The following BRD9 variants were observed in gnomAD, a reference collection of about 807,000 sequenced individuals.
BRD9 encodes bromodomain-containing protein 9.
In BRD9, 47 loss-of-function variants were observed where a neutral mutation model predicts 68.7. The ratio of observed to expected loss-of-function variants is 0.68; its 90% CI spans 0.54 to 0.87. BRD9 has a LOEUF of 0.87. Among genes scored for constraint, BRD9 ranks in the 40% least tolerant of loss-of-function variants. BRD9 has a pLI of 0.00. For missense variants in BRD9, 670 were observed against 748.4 expected (o/e 0.90, Z 1.22); for synonymous variants, 313 against 293.9 (o/e 1.06, Z -0.67).
chr5:873,934 C>T (rs758621781), intron 12 of BRD9, among the ~76,000 whole-genome samples: 9 of 152,202 alleles, frequency 5.9e-5, no homozygotes, highest in Non-Finnish European at 1.3e-4. Flanking sequence ...TAAGGCTACA[C>T]GAACCCTAGA....
intron 11 of BRD9, among the ~76,000 whole-genome samples, chr5:876,682 T>C (rs1374969916): frequency 1.3e-5 from 2 of 151,978 alleles, no homozygotes; most frequent in Non-Finnish European, 2.9e-5. Context: ...GCTTAAAAAA[T>C]AAAATATAAT....
At chr5:886,479 T>C (rs1271308603) in intron 7 of BRD9, 113 bp downstream of exon 7, 2 of 1,062,952 alleles carry the variant, frequency 1.9e-6, no homozygotes, top group East Asian at 4.8e-5. Context: ...CAAGAATGTC[T>C]ATGTGACATG....
chr5:886,318 G>A (rs1461843273), intron 7 of BRD9, among the ~76,000 whole-genome samples: 1 of 152,204 alleles, frequency 6.6e-6, no homozygotes, highest in Non-Finnish European at 1.5e-5. Context: ...TGATCTTAAC[G>A]GCGTGTAGAG....
intron 11 of BRD9, among the ~76,000 whole-genome samples, chr5:877,010 T>C (rs1042735678): frequency 1.3e-5 from 2 of 152,206 alleles, no homozygotes; most frequent in Admixed American, 1.3e-4. Flanking sequence ...CCCTAGGAGA[T>C]GTGCTTCTGA....
At chr5:874,114 T>A (rs1750555813) in intron 12 of BRD9, among the ~76,000 whole-genome samples, 1 of 152,196 alleles carries the variant, frequency 6.6e-6, no homozygotes, top group Non-Finnish European at 1.5e-5. Flanking sequence ...AATGTTTTTT[T>A]ATCTTTTTTT....
At position 887,462 on chromosome 5, in the gene BRD9, T is replaced by C. The variant is rs770557326; in HGVS notation, c.616A>G (p.Lys206Glu). 2 of 1,613,280 alleles carry C rather than the reference T, an allele frequency of 1.2e-6. No homozygotes were observed. The highest frequency in any genetic ancestry group is 8.5e-7 in the Non-Finnish European group (1 of 1,179,372). ...KSVTEFKADF[K>E]LMCDNAMTYN... ...GTCATTGCATTATCACACATCAGCTTGAAATCTGCCTGAAAAGAAAACAGG... is the reference window on the plus strand; with the variant it reads ...GTCATTGCATTATCACACATCAGCTCGAAATCTGCCTGAAAAGAAAACAGG... The change falls in exon 6 of 16, where the codon AAG becomes GAG. Residue 206 changes from lysine to glutamate, a missense_variant. This residue lies in a region of BRD9 where 94 missense variants were observed against 157.2 expected (regional missense o/e 0.60). Transcript: ENST00000467963.
At chr5:865,762 A>G in intron 14 of BRD9, 181 bp from the exon 15 acceptor site, 1 of 621,926 alleles carries the variant, frequency 1.6e-6, no homozygotes, top group Non-Finnish European at 2.7e-6. Context: ...CATTACCCTT[A>G]GCAGTGAGTG....
intron 4 of BRD9, 82 bp downstream of exon 4, chr5:889,505 G>C: frequency 6.8e-7 from 1 of 1,468,854 alleles, no homozygotes; most frequent in Non-Finnish European, 9.4e-7. Context: ...CAGCTGACGA[G>C]GCTGGCGTGG....
chr5:886,764 G>A (rs766378789), intron 6 of BRD9, 57 bp from the exon 7 acceptor site: 5 of 1,611,312 alleles, frequency 3.1e-6, no homozygotes, highest in Admixed American at 1.7e-5. Context: ...GCTAACAGCC[G>A]CTCCTAGAAT....
At chr5:883,834 A>G in intron 8 of BRD9, 104 bp downstream of exon 8, 1 of 1,490,754 alleles carries the variant, frequency 6.7e-7, no homozygotes, top group Admixed American at 2.0e-5. Flanking sequence ...TGACCTCTGG[A>G]TCCCGGTGGC....
chr5:885,164 CGG>C (rs981396286), intron 7 of BRD9, among the ~76,000 whole-genome samples: 1 of 152,236 alleles, frequency 6.6e-6, no homozygotes, highest in African/African-American at 2.4e-5. Flanking sequence ...ACACTCGAGT[CGG>C]GGGCTGAGGC....
intron 11 of BRD9, 102 bp from the exon 12 acceptor site, chr5:876,314 G>A (rs544399075): frequency 2.5e-5 from 20 of 809,652 alleles, no homozygotes; most frequent in Admixed American, 1.7e-4. Flanking sequence ...GCAGCTCCTC[G>A]GTCCCCGTGA....
At chr5:881,442 G>A (rs367915166) in intron 8 of BRD9, 32 of 549,840 alleles carry the variant, frequency 5.8e-5, no homozygotes, top group South Asian at 8.6e-5. Context: ...CTTCACCCAC[G>A]AGTAAACATT....
rs150279521 is a variant in BRD9, at chr5:870,507, G to A, written c.1491C>T (p.Asp497=). The part of the protein sequence containing the change: ...LEFMSMKSYP[D]VSVDISMLSS... ...TGAGCATGGAGATATCCACAGAAAC[G>A]TCGGGATAGGACTTCATCGACATGA... The change falls in exon 14 of 16, where the codon GAC becomes GAT. Residue 497 remains aspartate (D), a synonymous_variant. Coordinates refer to ENST00000467963, the MANE Select transcript of BRD9 (RefSeq NM_023924.5). 80 of 1,614,052 alleles carry A rather than the reference G, an allele frequency of 5.0e-5. No individual in the cohort carries two copies. Among genetic ancestry groups the A allele is most frequent in the Non-Finnish European group, 6.6e-5 (78 of 1,180,034 alleles).
At chr5:871,976 G>A (rs1304394033) in intron 12 of BRD9, among the ~76,000 whole-genome samples, 1 of 152,276 alleles carries the variant, frequency 6.6e-6, no homozygotes, top group Non-Finnish European at 1.5e-5. Context: ...ACCAGCTCGA[G>A]TCCTGCAGGG....
chr5:881,969 G>C (rs912059827), intron 8 of BRD9: 1 of 152,568 alleles, frequency 6.6e-6, no homozygotes, highest in African/African-American at 2.4e-5. Flanking sequence ...GAGGGAACTG[G>C]AAGTTTCCGT....
chr5:865,477 A>G lies in BRD9; in HGVS notation c.1630T>C (p.Ser544Pro). 1 of 1,599,770 alleles carries G rather than the reference A, an allele frequency of 6.3e-7. No individual in the cohort carries two copies. Among genetic ancestry groups the G allele is most frequent in the Non-Finnish European group, 8.5e-7 (1 of 1,171,794 alleles). Residue 544 changes from serine to proline, a missense_variant, in exon 15 of 16, where the codon TCT becomes CCT. Ser to Pro is a moderately conservative substitution (Grantham distance 74). Around this residue, in one of 5 missense-constraint regions of BRD9, gnomAD observed 280 missense variants for 281.5 expected, o/e 0.99. Coordinates refer to ENST00000467963, the MANE Select transcript of BRD9 (RefSeq NM_023924.5). ...GAGCTGAGGTTGGACGACGGCCGAG[A>G]GCCGCCGCGCTCCGCCTGTGCTTCG... ...LHEAQAERGG[S>P]RPSSNLSSLS...
chr5:865,586 G>A lies in BRD9; in HGVS notation c.1526-5C>T, dbSNP rs1749268681. The A allele has an allele frequency of 6.3e-7, 1 of 1,593,598 alleles. No homozygotes were observed. Among genetic ancestry groups the A allele is most frequent in the Non-Finnish European group, 8.5e-7 (1 of 1,173,288 alleles). ...CCAGCTCCTTCTTCACCTTCCCTGT[G>A]TAAACAGGACATGACCCCACGTCGG... On this transcript the variant is annotated splice_region_variant and splice_polypyrimidine_tract_variant and intron_variant, in intron 14 of 15. Transcript: ENST00000467963.
chr5:864,119 C>T lies in BRD9; in HGVS notation c.*349G>A, dbSNP rs1396174501. ...CTGGCCACACACCCTTCGCGTATGA[C>T]TCCACTCCTCAGGGTTCACGGGGCT... On this transcript the variant is annotated 3_prime_UTR_variant, in exon 16 of 16. Coordinates refer to ENST00000467963, the MANE Select transcript of BRD9 (RefSeq NM_023924.5). The T allele has an allele frequency of 5.7e-6, 1 of 175,638 alleles. No individual in the cohort carries two copies. Among genetic ancestry groups the T allele is most frequent in the South Asian group, 1.3e-4 (1 of 7,922 alleles). 10.9% of individuals were successfully genotyped at this position (175,638 alleles called of 1,614,324 possible).
Sources: gnomAD v4.1 joint callset for allele counts (sites outside exome capture counted in the v4.1 genomes callset) on GRCh38, gnomAD v4.1.1 for gene constraint, gnomAD v4.1.1 regional missense constraint, MANE v1.5 for transcripts, NCBI Gene and HGNC (gene_info 2026-07-23, HGNC 2026-07-21) for gene names.